LRRTM4: variants seen among roughly 807,000 people sequenced by gnomAD.
LRRTM4 encodes the protein leucine-rich repeat transmembrane neuronal protein 4.
Under a neutral mutation model 47.6 loss-of-function variants are expected in LRRTM4, and 25 were observed. That is an observed-to-expected ratio of 0.53 (90% CI 0.38 to 0.73). The LOEUF (loss-of-function observed/expected upper bound fraction) is 0.73. Ranked by LOEUF, LRRTM4 falls within the 30% of genes least tolerant of loss-of-function variation. The probability of loss-of-function intolerance (pLI) is 0.00; values close to 1 mark genes in which losing one functional copy is unlikely to be tolerated. For missense variants in LRRTM4, 638 were observed against 713.4 expected (o/e 0.89, Z 1.20); for synonymous variants, 311 against 269.5 (o/e 1.15, Z -1.51).
At chr2:77,438,243 A>G (rs933658053) in intron 3 of LRRTM4, among the ~76,000 whole-genome samples, 2 of 152,136 alleles carry the variant, frequency 1.3e-5, no homozygotes, top group African/African-American at 2.4e-5. Context: ...TATTGATTGT[A>G]TAACACAGAA....
At chr2:77,261,964 C>T (rs1461965449) in intron 3 of LRRTM4, among the ~76,000 whole-genome samples, 1 of 151,088 alleles carries the variant, frequency 6.6e-6, no homozygotes, top group Non-Finnish European at 1.5e-5. Flanking sequence ...TCTGTATTTA[C>T]AGCCATTCCC....
chr2:76,794,586 AACCAGGC>A (rs1675164504), intron 3 of LRRTM4, among the ~76,000 whole-genome samples: 1 of 152,184 alleles, frequency 6.6e-6, no homozygotes, highest in African/African-American at 2.4e-5. Flanking sequence ...TGATTTTACT[AACCAGGC>A]ACCTATACCA....
chr2:76,848,447 C>G (rs1449748251), intron 3 of LRRTM4, among the ~76,000 whole-genome samples: 10 of 152,094 alleles, frequency 6.6e-5, no homozygotes, highest in Admixed American at 6.6e-4. Context: ...ATCCACAAAA[C>G]TTTCTAAACC....
intron 3 of LRRTM4, among the ~76,000 whole-genome samples, chr2:77,090,777 C>T (rs1338958481): frequency 6.6e-6 from 1 of 152,170 alleles, no homozygotes; most frequent in Non-Finnish European, 1.5e-5. Context: ...GCAGCCACTC[C>T]CAGAGCCCCT....
chr2:77,141,316 C>T (rs950206298), intron 3 of LRRTM4, among the ~76,000 whole-genome samples: 2 of 152,088 alleles, frequency 1.3e-5, no homozygotes, highest in Admixed American at 6.5e-5. Context: ...TTCGTGTCCT[C>T]TGTAGGGACA....
chr2:77,134,927 T>C (rs1671893214), intron 3 of LRRTM4, among the ~76,000 whole-genome samples: 2 of 152,140 alleles, frequency 1.3e-5, no homozygotes, highest in South Asian at 2.1e-4. Context: ...AATCAGCTAA[T>C]AGTAAATGGT....
chr2:77,178,049 T>C (rs1044201976), intron 3 of LRRTM4, among the ~76,000 whole-genome samples: 4 of 152,210 alleles, frequency 2.6e-5, no homozygotes, highest in Admixed American at 2.6e-4. Flanking sequence ...TCTTCATGCT[T>C]AGAAGAGTGC....
At chr2:76,790,699 A>ACC (rs147399412) in intron 3 of LRRTM4, among the ~76,000 whole-genome samples, 23 of 145,832 alleles carry the variant, frequency 1.6e-4, no homozygotes, top group Non-Finnish European at 2.9e-4. Context: ...AATTGGATAG[A>ACC]CCCCCCCCCA....
At chr2:77,065,698 G>T (rs1268156677) in intron 3 of LRRTM4, among the ~76,000 whole-genome samples, 1 of 152,150 alleles carries the variant, frequency 6.6e-6, no homozygotes, top group Admixed American at 6.5e-5. Context: ...AAGACATTTT[G>T]CTAAAGCTCA....
chr2:77,162,579 C>T (rs1419485315), intron 3 of LRRTM4, among the ~76,000 whole-genome samples: 1 of 152,126 alleles, frequency 6.6e-6, no homozygotes, highest in Non-Finnish European at 1.5e-5. Context: ...CCAGTAGGGA[C>T]CGACTGACCC....
chr2:77,276,515 T>A (rs1676359496), intron 3 of LRRTM4, among the ~76,000 whole-genome samples: 1 of 135,964 alleles, frequency 7.4e-6, no homozygotes. Context: ...AATATATATA[T>A]GTGTGTATAT....
intron 3 of LRRTM4, among the ~76,000 whole-genome samples, chr2:77,411,395 TTTCTTCTTTATTTCTC>T (rs1453419558): frequency 6.6e-6 from 1 of 151,642 alleles, no homozygotes; most frequent in East Asian, 1.9e-4. Context: ...TCTCTCTTTC[TTTCTTCTTTATTTCTC>T]TCTTTCTTGT....
intron 3 of LRRTM4, among the ~76,000 whole-genome samples, chr2:76,749,894 G>A (rs1229571665): frequency 6.6e-6 from 1 of 152,200 alleles, no homozygotes; most frequent in Non-Finnish European, 1.5e-5. Flanking sequence ...GATGAGAAAA[G>A]TGCAAAGGCT....
intron 3 of LRRTM4, among the ~76,000 whole-genome samples, chr2:76,797,460 A>G (rs1201110238): frequency 3.3e-5 from 5 of 152,164 alleles, no homozygotes; most frequent in African/African-American, 1.2e-4. Flanking sequence ...GAGCTCCTGA[A>G]GAAAGCACTA....
intron 3 of LRRTM4, among the ~76,000 whole-genome samples, chr2:77,470,348 A>G (rs2103991262): frequency 6.6e-6 from 1 of 152,308 alleles, no homozygotes; most frequent in Non-Finnish European, 1.5e-5. Flanking sequence ...CACCAAGTTG[A>G]TGCCAAATAT....
chr2:77,223,568 GACAA>G (rs1203046496), intron 3 of LRRTM4, among the ~76,000 whole-genome samples: 1 of 152,058 alleles, frequency 6.6e-6, no homozygotes, highest in Non-Finnish European at 1.5e-5. Context: ...AACAATAACA[GACAA>G]ACAGAGAGCC....
intron 3 of LRRTM4, among the ~76,000 whole-genome samples, chr2:76,902,737 T>C (rs763182097): frequency 2.6e-5 from 4 of 152,296 alleles, no homozygotes; most frequent in African/African-American, 7.2e-5. Flanking sequence ...TGCACCACCA[T>C]TTTATTTTTC....
intron 3 of LRRTM4, among the ~76,000 whole-genome samples, chr2:77,021,446 G>A (rs184156360): frequency 6.6e-6 from 1 of 152,178 alleles, no homozygotes; most frequent in Non-Finnish European, 1.5e-5. Context: ...TTTTCAAATT[G>A]ACTCTGGACT....
At chr2:77,332,449 G>C (rs1671005377) in intron 3 of LRRTM4, among the ~76,000 whole-genome samples, 1 of 152,090 alleles carries the variant, frequency 6.6e-6, no homozygotes, top group Admixed American at 6.6e-5. Flanking sequence ...GCTTGAAAAA[G>C]TAGTGCTCTA....
Sources: allele counts gnomAD v4.1 joint callset (sites outside exome capture counted in the v4.1 genomes callset), GRCh38; gene constraint gnomAD v4.1.1; transcripts MANE v1.5; gene names NCBI Gene and HGNC (gene_info 2026-07-23, HGNC 2026-07-21).